Variants in PTPRB observed in about 807,000 individuals in gnomAD.
The protein encoded by PTPRB is receptor-type tyrosine-protein phosphatase beta.
In PTPRB, 97 loss-of-function variants were observed where a neutral mutation model predicts 238.1. The observed-to-expected ratio is 0.41, with a 90% CI of 0.35 to 0.48. The LOEUF (loss-of-function observed/expected upper bound fraction) is 0.48, where lower values mean the gene tolerates loss of function less well. PTPRB is among the 20% of genes least tolerant of loss of function. The pLI is 0.30. For synonymous variants in PTPRB, 970 were observed against 995.4 expected (o/e 0.97, Z 0.48); for missense variants, 2,292 against 2,681.9 (o/e 0.85, Z 3.21).
intron 3 of PTPRB, among the ~76,000 whole-genome samples, chr12:70,621,008 A>T (rs1884905080): frequency 6.6e-6 from 1 of 152,242 alleles, no homozygotes; most frequent in Non-Finnish European, 1.5e-5. Flanking sequence ...AAATTTAAAC[A>T]AAATTTTTAA....
At chr12:70,564,870 TAA>T (rs1879063939) in intron 15 of PTPRB, among the ~76,000 whole-genome samples, 1 of 94,786 alleles carries the variant, frequency 1.1e-5, no homozygotes, top group Non-Finnish European at 2.1e-5. Context: ...ATAATAATAA[TAA>T]TAATAATAAT....
At chr12:70,595,976 C>T in intron 5 of PTPRB, 73 bp downstream of exon 5, 2 of 1,331,128 alleles carry the variant, frequency 1.5e-6, no homozygotes, top group South Asian at 1.7e-5. Context: ...CAATCTTACT[C>T]CTATTCCTTG....
chr12:70,571,845 C>G lies in PTPRB; in HGVS notation c.3085G>C (p.Glu1029Gln). The change falls in exon 12 of 34, where the codon GAA becomes CAA. Residue 1029 changes from glutamate to glutamine, a missense_variant. Physicochemically the swap from Glu to Gln is conservative, Grantham distance 29. Transcript: ENST00000334414. Reference protein sequence around the residue: ...TTKSGQYEANEQGNGRTIPEP... With the variant: ...TTKSGQYEANQQGNGRTIPEP... ...TTACTTGTTCTCCCATTCCCTTGTT[C>G]ATTGGCTTCATATTGTCCACTTTTT... is the stretch of plus-strand genomic sequence containing the variant. 1 of 1,613,328 alleles carries G rather than the reference C, an allele frequency of 6.2e-7. No homozygotes were observed. Among genetic ancestry groups the G allele is most frequent in the Non-Finnish European group, 8.5e-7 (1 of 1,179,520 alleles).
At chr12:70,619,409 ACTTTGCAG>A (rs1884828139) in intron 3 of PTPRB, among the ~76,000 whole-genome samples, 1 of 152,004 alleles carries the variant, frequency 6.6e-6, no homozygotes, top group Non-Finnish European at 1.5e-5. Context: ...TTACAATGTG[ACTTTGCAG>A]CTCTTCCCAT....
At chr12:70,566,759 TC>T in intron 14 of PTPRB, 55 bp from the exon 15 acceptor site, 1 of 1,557,930 alleles carries the variant, frequency 6.4e-7, no homozygotes, top group Middle Eastern at 2.3e-4. Flanking sequence ...TAGGGTAAAG[TC>T]ATCAATTGAG....
rs371169458 is a variant in PTPRB at position 70,566,708 on chromosome 12, CAG to C, written c.3635-6_3635-5del. 8.4e-4 allele frequency: 1,351 copies of C among 1,610,284 alleles called. 6 individuals carry two copies. In the African/African-American group the frequency reaches 0.012, roughly 15 times the overall value. ...ACTCCTTGGACAGATGCTGGAACTG[CAG>C]AGAGACAAGTGGAGCAACAAAATAC... On this transcript the variant is annotated splice_region_variant and splice_polypyrimidine_tract_variant and intron_variant, in intron 14 of 33. Transcript: ENST00000334414.
In PTPRB at chr12:70,524,606, A is replaced by G; in HGVS notation, c.6505-15T>C. On this transcript the variant is annotated splice_polypyrimidine_tract_variant and intron_variant, in intron 32 of 33. Coordinates refer to ENST00000334414, the MANE Select transcript of PTPRB (RefSeq NM_001109754.4). ...ACATACTGACACTGTGGAAAAGCAGAAACATGTCAGAGGAGGGCCTGTTCT... is the reference window on the plus strand; with the variant it reads ...ACATACTGACACTGTGGAAAAGCAGGAACATGTCAGAGGAGGGCCTGTTCT... The G allele has an allele frequency of 1.2e-6, 2 of 1,604,964 alleles. No individual in the cohort carries two copies. The highest frequency in any genetic ancestry group is 1.7e-6 in the Non-Finnish European group (2 of 1,175,768).
At chr12:70,556,307 A>T (rs1403501173) in intron 18 of PTPRB, among the ~76,000 whole-genome samples, 159 bp from the exon 19 acceptor site, 1 of 152,076 alleles carries the variant, frequency 6.6e-6, no homozygotes, top group Non-Finnish European at 1.5e-5. Context: ...CATGAGCATA[A>T]ATCTCCCAGG....
intron 3 of PTPRB, among the ~76,000 whole-genome samples, chr12:70,615,496 C>CT (rs1225023607): frequency 3.3e-5 from 5 of 152,140 alleles, no homozygotes; most frequent in Non-Finnish European, 5.9e-5. Flanking sequence ...CCCTCCCCTA[C>CT]TTTTTATTTT....
intron 32 of PTPRB, among the ~76,000 whole-genome samples, chr12:70,528,504 T>C (rs566645806): frequency 7.6e-6 from 1 of 131,796 alleles, no homozygotes; most frequent in East Asian, 2.5e-4. Flanking sequence ...GCAGTGGCAG[T>C]GGGATGAGGG....
At chr12:70,553,404 A>G (rs1877197062) in intron 20 of PTPRB, among the ~76,000 whole-genome samples, 1 of 152,130 alleles carries the variant, frequency 6.6e-6, no homozygotes, top group African/African-American at 2.4e-5. Flanking sequence ...TAATAAGGAA[A>G]CCCCTATGAC....
chr12:70,612,667 TAAAAA>T (rs11448103), intron 3 of PTPRB, among the ~76,000 whole-genome samples: 3 of 146,696 alleles, frequency 2.0e-5, no homozygotes, highest in African/African-American at 7.5e-5. Context: ...GCAGCTGTCT[TAAAAA>T]AAAAAAGTCA....
chr12:70,593,781 T>G (rs1020538591), intron 6 of PTPRB, among the ~76,000 whole-genome samples: 9 of 151,584 alleles, frequency 5.9e-5, no homozygotes, highest in Admixed American at 4.6e-4. Flanking sequence ...TCTCTTAAAA[T>G]TAGATAACTT....
At chr12:70,621,851 A>G (rs370076534) in intron 3 of PTPRB, among the ~76,000 whole-genome samples, 2 of 152,232 alleles carry the variant, frequency 1.3e-5, no homozygotes, top group East Asian at 3.8e-4. Flanking sequence ...ACAGACTCCT[A>G]TGATGGTGCC....
intron 22 of PTPRB, among the ~76,000 whole-genome samples, chr12:70,543,323 C>T (rs1431524320): frequency 6.6e-6 from 1 of 152,168 alleles, no homozygotes; most frequent in East Asian, 1.9e-4. Flanking sequence ...TTTCAAGACT[C>T]ATCAAATCAA....
At chr12:70,616,348 C>T (rs1884680134) in intron 3 of PTPRB, among the ~76,000 whole-genome samples, 1 of 152,226 alleles carries the variant, frequency 6.6e-6, no homozygotes, top group Non-Finnish European at 1.5e-5. Context: ...TAGCATCTTC[C>T]TCCATCTGAA....
In PTPRB at chr12:70,539,003, G is replaced by A. The variant is rs1305673646; in HGVS notation, c.5790C>T (p.Asp1930=). The A allele has an allele frequency of 1.4e-5, 22 of 1,613,420 alleles. No individual in the cohort carries two copies. Among genetic ancestry groups the A allele is most frequent in the Admixed American group, 3.3e-5 (2 of 59,998 alleles). The part of the protein sequence containing the change: ...LLSKEYEELK[D]VGRNQSCDIA... The stretch of plus-strand genomic sequence containing the variant: ...TGTCACATGACTGGTTTCGGCCCAC[G>A]TCTTTTAACTCCTGTTAGGTCAAAT... The change falls in exon 27 of 34, where the codon GAC becomes GAT. Residue 1930 remains aspartate, a synonymous_variant. Transcript: ENST00000334414.
At chr12:70,539,588 C>G (rs760815466) in intron 26 of PTPRB, 37 bp downstream of exon 26, 24 of 1,431,366 alleles carry the variant, frequency 1.7e-5, no homozygotes, top group Middle Eastern at 4.2e-4. Flanking sequence ...CTGCTAAGAA[C>G]TAGGGATGCT....
At chr12:70,597,490 T>C (rs1883133354) in intron 4 of PTPRB, among the ~76,000 whole-genome samples, 1 of 152,126 alleles carries the variant, frequency 6.6e-6, no homozygotes, top group Non-Finnish European at 1.5e-5. Context: ...GGGAGTAAAG[T>C]CTAAGAAATA....
Sources: gnomAD v4.1 joint callset for allele counts (sites outside exome capture counted in the v4.1 genomes callset) on GRCh38, gnomAD v4.1.1 for gene constraint, MANE v1.5 for transcripts, NCBI Gene and HGNC (gene_info 2026-07-23, HGNC 2026-07-21) for gene names.